The following RELN variants were observed in gnomAD, a reference collection of about 807,000 sequenced individuals.
RELN encodes reelin.
Under a neutral mutation model 427.6 loss-of-function variants are expected in RELN, and 108 were observed. The ratio of observed to expected loss-of-function variants is 0.25; its 90% CI spans 0.22 to 0.30. The LOEUF (loss-of-function observed/expected upper bound fraction) is 0.30, where lower values mean the gene tolerates loss of function less well. Ranked by LOEUF, RELN falls within the 10% of genes least tolerant of loss-of-function variation. RELN has a pLI of 1.00. For synonymous variants in RELN, 1,524 were observed against 1,513.4 expected, an observed-to-expected ratio of 1.01 and a Z score of -0.16; for missense variants, 3,715 against 4,302.8, an observed-to-expected ratio of 0.86 and a Z score of 3.82.
chr7:103,502,670 A>G (rs17152191), intron 52 of RELN, among the ~76,000 whole-genome samples: 1 of 152,136 alleles, frequency 6.6e-6, no homozygotes, highest in Non-Finnish European at 1.5e-5. Flanking sequence ...GAAAGTATAT[A>G]GTGCACAGAG....
At chr7:103,981,198 C>T (rs545600129) in intron 1 of RELN, among the ~76,000 whole-genome samples, 115 of 152,238 alleles carry the variant, frequency 7.6e-4, no homozygotes, top group African/African-American at 2.6e-3. Context: ...CCATGTCACA[C>T]GTCTAGATGT....
At chr7:103,904,975 C>CTTTTTTTTTTTTT (rs67024941) in intron 2 of RELN, among the ~76,000 whole-genome samples, 7 of 77,364 alleles carry the variant, frequency 9.0e-5, no homozygotes, top group East Asian at 9.0e-4. Flanking sequence ...AAGTTCTTTC[C>CTTTTTTTTTTTTT]TTTTTTTTTT....
intron 4 of RELN, among the ~76,000 whole-genome samples, chr7:103,758,631 CTT>C (rs1306296934): frequency 1.3e-5 from 2 of 150,970 alleles, no homozygotes; most frequent in East Asian, 1.9e-4. Flanking sequence ...TCAAATCCCT[CTT>C]GAGAGCAGAG....
chr7:103,942,133 G>T (rs944870681), intron 1 of RELN, among the ~76,000 whole-genome samples: 1 of 151,954 alleles, frequency 6.6e-6, no homozygotes, highest in African/African-American at 2.4e-5. Flanking sequence ...CAATCACCTC[G>T]CATACTTATA....
At chr7:103,775,966 G>A (rs925617938) in intron 4 of RELN, among the ~76,000 whole-genome samples, 1 of 152,146 alleles carries the variant, frequency 6.6e-6, no homozygotes. Context: ...AAGGGATAGG[G>A]GGAACAAATG....
At chr7:103,578,317 C>T (rs988207808) in intron 28 of RELN, among the ~76,000 whole-genome samples, 5 of 152,054 alleles carry the variant, frequency 3.3e-5, no homozygotes, top group Admixed American at 2.0e-4. Context: ...TACTAAGGAA[C>T]GCTTATTTAG....
At chr7:103,827,780 G>A (rs1793178823) in intron 3 of RELN, among the ~76,000 whole-genome samples, 1 of 151,870 alleles carries the variant, frequency 6.6e-6, no homozygotes, top group East Asian at 1.9e-4. Flanking sequence ...GTTGGGAGAT[G>A]CCTGCTTAAA....
intron 44 of RELN, chr7:103,539,530 C>T (rs1473323943): frequency 1.7e-6 from 1 of 597,734 alleles, no homozygotes; most frequent in Non-Finnish European, 2.9e-6. Flanking sequence ...CTACACAAAA[C>T]AAATCAAAGG....
At chr7:103,882,664 T>C (rs139510835) in intron 2 of RELN, among the ~76,000 whole-genome samples, 3,975 of 152,108 alleles carry the variant, frequency 0.026, 159 homozygotes, top group African/African-American at 0.091. Context: ...TATAAACACA[T>C]CTACACAAAT....
intron 2 of RELN, among the ~76,000 whole-genome samples, chr7:103,881,131 C>T (rs759139359): frequency 3.3e-5 from 5 of 152,116 alleles, no homozygotes; most frequent in African/African-American, 9.7e-5. Flanking sequence ...TCTTTCAATT[C>T]CCTACCACCT....
rs1830458284 is a variant in RELN, at chr7:103,553,575, G to A, written c.5970-12C>T. 2.5e-6 allele frequency: 4 copies of A among 1,613,640 alleles called. No individual in the cohort carries two copies. The highest frequency in any genetic ancestry group is 3.4e-6 in the Non-Finnish European group (4 of 1,179,648). The stretch of plus-strand genomic sequence containing the variant: ...CTGAATCTTCTTCACTGTTACACAG[G>A]AAAACAACCAGGAATCCATTTAGGC... On this transcript the variant is annotated splice_polypyrimidine_tract_variant and intron_variant, in intron 39 of 64. Coordinates refer to ENST00000428762, the MANE Select transcript of RELN (RefSeq NM_005045.4).
intron 2 of RELN, among the ~76,000 whole-genome samples, chr7:103,888,159 C>G (rs1357916429): frequency 1.3e-5 from 2 of 152,068 alleles, no homozygotes; most frequent in Non-Finnish European, 2.9e-5. Flanking sequence ...TATACAAATG[C>G]TCTTTCCCCT....
At position 103,561,959 on chromosome 7, in the gene RELN, CA is replaced by C. The variant is rs34125550; in HGVS notation, c.5211-7del. On this transcript the variant is annotated splice_region_variant and splice_polypyrimidine_tract_variant and intron_variant, in intron 34 of 64. Coordinates refer to ENST00000428762, the MANE Select transcript of RELN (RefSeq NM_005045.4). ...TGAACCGGGTCCTGGGAGAACTAAC[CA>C]AAAAAAAAAAAAAAAAAACACACCA... The C allele has an allele frequency of 0.23, 292,896 of 1,280,918 alleles. 2,071 individuals carry two copies. Among genetic ancestry groups the C allele is most frequent in the South Asian group, 0.25 (16,189 of 64,494 alleles). The allele number at this position is 1,280,918 out of a possible 1,614,324, so 79.3% of individuals were successfully genotyped here. A position where few individuals can be genotyped will look rare whatever the true frequency, so the allele number is the denominator to read the frequency against.
chr7:103,574,443 T>C, intron 29 of RELN, 144 bp from the exon 30 acceptor site: 2 of 739,422 alleles, frequency 2.7e-6, no homozygotes, highest in Non-Finnish European at 4.7e-6. Context: ...CTCACAACTG[T>C]CGGTCTGAAA....
chr7:103,793,589 A>G (rs938927851), intron 3 of RELN, among the ~76,000 whole-genome samples: 4 of 152,338 alleles, frequency 2.6e-5, no homozygotes, highest in African/African-American at 4.8e-5. Context: ...TAGTAAATCC[A>G]ATTTTAGAAT....
At chr7:103,895,725 T>A (rs1794945504) in intron 2 of RELN, among the ~76,000 whole-genome samples, 1 of 152,042 alleles carries the variant, frequency 6.6e-6, no homozygotes, top group Admixed American at 6.6e-5. Flanking sequence ...GAAAAATAAC[T>A]ACTTTTTAAT....
intron 61 of RELN, among the ~76,000 whole-genome samples, chr7:103,485,336 C>T (rs1828396386): frequency 6.6e-6 from 1 of 151,652 alleles, no homozygotes; most frequent in South Asian, 2.1e-4. Context: ...GAAGGGCCCC[C>T]AAACCTGCCT....
rs370417462 is a variant in RELN, at chr7:103,842,366, T to C, written c.338-8694A>G. 2.0e-5 allele frequency among the ~76,000 whole-genome samples: 3 copies of C among 152,192 alleles called. No individual in the cohort carries two copies. The East Asian group carries it at 5.8e-4, about 29-fold the overall frequency. On this transcript the variant is annotated intron_variant, in intron 2 of 64. Coordinates refer to ENST00000428762, the MANE Select transcript of RELN (RefSeq NM_005045.4). ...TATAGAATTCCTTTTTATCCCTCTT[T>C]AATCTGTTAATTCAAATATGAATAA...
intron 6 of RELN, among the ~76,000 whole-genome samples, chr7:103,742,744 T>C (rs1478007238): frequency 1.3e-5 from 2 of 152,118 alleles, no homozygotes; most frequent in Non-Finnish European, 2.9e-5. Context: ...ACAAATCCTC[T>C]AAGAAATATG....
Sources: gnomAD v4.1 joint callset for allele counts (sites outside exome capture counted in the v4.1 genomes callset) on GRCh38, gnomAD v4.1.1 for gene constraint, MANE v1.5 for transcripts, NCBI Gene and HGNC (gene_info 2026-07-23, HGNC 2026-07-21) for gene names.